Variants in ALK observed in about 807,000 individuals in gnomAD.
ALK encodes the protein ALK receptor tyrosine kinase, also known as ALK tyrosine kinase receptor.
Under a neutral mutation model 163.1 loss-of-function variants are expected in ALK, and 74 were observed. The observed-to-expected ratio is 0.45, with a 90% CI of 0.38 to 0.55. The LOEUF (loss-of-function observed/expected upper bound fraction) is 0.55, where lower values mean the gene tolerates loss of function less well. Ranked by LOEUF, ALK falls within the 20% of genes least tolerant of loss-of-function variation. The probability of loss-of-function intolerance (pLI) is 0.00; values close to 1 mark genes in which losing one functional copy is unlikely to be tolerated. For missense variants in ALK, 2,063 were observed against 2,105.3 expected, an observed-to-expected ratio of 0.98 and a Z score of 0.39; for synonymous variants, 960 against 843.2, an observed-to-expected ratio of 1.14 and a Z score of -2.40.
At chr2:29,738,497 C>T (rs1441125959) in intron 1 of ALK, among the ~76,000 whole-genome samples, 2 of 152,028 alleles carry the variant, frequency 1.3e-5, no homozygotes, top group Admixed American at 6.5e-5. Flanking sequence ...TCCAGAACTA[C>T]TGAGTGGTGA....
At chr2:29,671,859 C>T (rs1291314793) in intron 3 of ALK, among the ~76,000 whole-genome samples, 2 of 151,862 alleles carry the variant, frequency 1.3e-5, no homozygotes, top group African/African-American at 4.8e-5. Context: ...TGGAAGTCTC[C>T]TTTTCTTAAT....
intron 4 of ALK, among the ~76,000 whole-genome samples, chr2:29,405,211 G>C (rs955743382): frequency 1.3e-5 from 2 of 152,182 alleles, no homozygotes; most frequent in African/African-American, 2.4e-5. Context: ...AGATTAATGA[G>C]AGGCAGAGCT....
Position 29,195,853 on chromosome 2 carries a change from G to C in ALK, c.4164+917C>G, listed in dbSNP as rs554902745. Among the ~76,000 whole-genome samples the C allele has an allele frequency of 2.0e-5, 3 of 152,328 alleles. No homozygotes were observed. The East Asian group carries it at 5.8e-4, about 29-fold the overall frequency. The stretch of plus-strand genomic sequence containing the variant: ...GAAAGTGAATACAGGGAAGAGGAGA[G>C]CATCGGACAGAACAAAGCCCTGAGC... On this transcript the variant is annotated intron_variant, in intron 28 of 28. Transcript: ENST00000389048.
rs950513733 is a variant in ALK at position 29,233,678 on chromosome 2, T to C, written c.2374A>G (p.Lys792Glu). 1 of 1,614,236 alleles carries C rather than the reference T, an allele frequency of 6.2e-7. No individual in the cohort carries two copies. The highest frequency in any genetic ancestry group is 8.5e-7 in the Non-Finnish European group (1 of 1,180,042). Residue 792 changes from lysine to glutamate, a missense_variant, in exon 14 of 29, where the codon AAA becomes GAA. Lys to Glu is a moderately conservative substitution (Grantham distance 56, BLOSUM62 1). This residue lies in a region of ALK where 575 missense variants were observed against 626.6 expected (regional missense o/e 0.92). Coordinates refer to ENST00000389048, the MANE Select transcript of ALK (RefSeq NM_004304.5). The stretch of plus-strand genomic sequence containing the variant: ...ACATTGTTCTCTCCAATGCAGACTT[T>C]CTGGATTAACTGGTTTGTCTGTAGA... ...ACPSTNQLIQ[K>E]VCIGENNVIE...
intron 5 of ALK, among the ~76,000 whole-genome samples, chr2:29,365,088 A>G (rs1000744707): frequency 2.6e-5 from 4 of 152,180 alleles, no homozygotes; most frequent in African/African-American, 7.2e-5. Context: ...TGTGGCTCCA[A>G]AATTTTTTTC....
intron 2 of ALK, among the ~76,000 whole-genome samples, chr2:29,696,937 T>A (rs2541168): frequency 0.71 from 104,790 of 148,338 alleles, 37,695 homozygotes; most frequent in Non-Finnish European, 0.79. Flanking sequence ...AAAAAAAAAA[T>A]AAAATAAAAT....
At chr2:29,855,802 C>G (rs1329615496) in intron 1 of ALK, among the ~76,000 whole-genome samples, 2 of 152,172 alleles carry the variant, frequency 1.3e-5, no homozygotes, top group Non-Finnish European at 2.9e-5. Context: ...TGGTCAAAAC[C>G]AGCCACGTGT....
At chr2:29,912,004 G>A (rs1667715668) in intron 1 of ALK, among the ~76,000 whole-genome samples, 3 of 152,134 alleles carry the variant, frequency 2.0e-5, no homozygotes, top group Non-Finnish European at 2.9e-5. Context: ...AATTATATCA[G>A]AATGGAGATA....
chr2:29,867,261 G>C (rs1284676441), intron 1 of ALK, among the ~76,000 whole-genome samples: 1 of 152,120 alleles, frequency 6.6e-6, no homozygotes, highest in Non-Finnish European at 1.5e-5. Flanking sequence ...GTCCCTTTAA[G>C]GAAGTTTAGT....
At chr2:29,470,516 T>C (rs1436534616) in intron 4 of ALK, among the ~76,000 whole-genome samples, 3 of 152,132 alleles carry the variant, frequency 2.0e-5, no homozygotes, top group Non-Finnish European at 2.9e-5. Flanking sequence ...CAAACAAGCA[T>C]TGATAAAACT....
intron 26 of ALK, among the ~76,000 whole-genome samples, chr2:29,201,046 T>C (rs998753886): frequency 6.6e-6 from 1 of 151,632 alleles, no homozygotes; most frequent in Non-Finnish European, 1.5e-5. Flanking sequence ...CTTTAAAAGC[T>C]ACATTTTTCT....
At chr2:29,464,170 C>T (rs1272068376) in intron 4 of ALK, among the ~76,000 whole-genome samples, 1 of 151,926 alleles carries the variant, frequency 6.6e-6, no homozygotes, top group Admixed American at 6.6e-5. Context: ...CCAAAAGTTA[C>T]CAGGCATTCA....
chr2:29,307,172 T>G (rs1666548654), intron 8 of ALK, among the ~76,000 whole-genome samples: 1 of 152,230 alleles, frequency 6.6e-6, no homozygotes, highest in African/African-American at 2.4e-5. Context: ...GGACAATCCC[T>G]TCAACCCACA....
chr2:29,221,230 AAG>A (rs1260036780), intron 22 of ALK: 3 of 532,042 alleles, frequency 5.6e-6, no homozygotes, highest in Admixed American at 2.3e-5. Context: ...AACTGCTTCC[AAG>A]AGAGACTGGG....
intron 1 of ALK, among the ~76,000 whole-genome samples, chr2:29,872,250 G>A (rs1461079062): frequency 1.3e-5 from 2 of 152,212 alleles, no homozygotes; most frequent in Non-Finnish European, 2.9e-5. Flanking sequence ...GTACAGAGCA[G>A]GGGAGGGGAT....
At chr2:29,532,411 T>C (rs1402946236) in intron 3 of ALK, among the ~76,000 whole-genome samples, 3 of 152,202 alleles carry the variant, frequency 2.0e-5, no homozygotes, top group Non-Finnish European at 2.9e-5. Context: ...CGATTTTTCA[T>C]CTGCAAAACA....
At chr2:29,696,925 T>TAAAAAAA (rs1221648153) in intron 2 of ALK, among the ~76,000 whole-genome samples, 1 of 123,796 alleles carries the variant, frequency 8.1e-6, no homozygotes, top group East Asian at 2.3e-4. Context: ...CCCTTTTCCC[T>TAAAAAAA]AAAAAAAAAA....
chr2:29,737,433 A>T (rs1679923456), intron 1 of ALK, among the ~76,000 whole-genome samples: 1 of 152,132 alleles, frequency 6.6e-6, no homozygotes, highest in Admixed American at 6.5e-5. Context: ...TATATAGTTT[A>T]AAAAATGGGT....
At chr2:29,797,122 C>T (rs1209205469) in intron 1 of ALK, among the ~76,000 whole-genome samples, 1 of 151,838 alleles carries the variant, frequency 6.6e-6, no homozygotes, top group East Asian at 1.9e-4. Context: ...ACAAACAATA[C>T]TATCCTAGCA....
Sources: gnomAD v4.1 joint callset for allele counts (sites outside exome capture counted in the v4.1 genomes callset) on GRCh38, gnomAD v4.1.1 for gene constraint, gnomAD v4.1.1 regional missense constraint, MANE v1.5 for transcripts, NCBI Gene and HGNC (gene_info 2026-07-23, HGNC 2026-07-21) for gene names.